Variants in NAV3 observed in about 807,000 individuals in gnomAD.
NAV3 encodes the protein pore membrane and/or filament interacting like protein 1.
NAV3 carries 87 observed loss-of-function variants against 244.7 expected under a neutral mutation model. That is an observed-to-expected ratio of 0.36 (90% confidence interval 0.30 to 0.42). NAV3 has a LOEUF of 0.42. Ranked by LOEUF, NAV3 falls within the 20% of genes least tolerant of loss-of-function variation. The pLI, the probability that NAV3 is intolerant of heterozygous loss-of-function variation, is 1.00. For missense variants in NAV3, 2,663 were observed against 2,893.3 expected (o/e 0.92, Z 1.83); for synonymous variants, 1,126 against 1,042.2 (o/e 1.08, Z -1.55).
Position 78,199,345 on chromosome 12 carries a change from T to C in NAV3, c.6529T>C (p.Cys2177Arg). The C allele has an allele frequency of 1.3e-6, 2 of 1,598,422 alleles. No homozygotes were observed. The highest frequency in any genetic ancestry group is 1.7e-6 in the Non-Finnish European group (2 of 1,175,012). Residue 2177 changes from cysteine to arginine, a missense_variant, in exon 37 of 40, where the codon TGT becomes CGT. Physicochemically the swap from Cys to Arg is radical, Grantham distance 180. Coordinates refer to ENST00000397909, the MANE Select transcript of NAV3 (RefSeq NM_001024383.2). ...ELHHNFRWVL[C>R]ANHTEPVKGF... is the part of the protein sequence containing the mutation. ...TTTTTCTTTTTGTAGGTGGGTATTA[T>C]GTGCAAATCATACAGAACCAGTGAA... is the stretch of plus-strand genomic sequence containing the variant.
chr12:77,754,770 A>G (rs568633316), intron 2 of NAV3, among the ~76,000 whole-genome samples: 64 of 152,246 alleles, frequency 4.2e-4, no homozygotes, highest in African/African-American at 1.5e-3. Context: ...CTTTGCCTGG[A>G]TGTCTTACAA....
In NAV3 at chr12:77,805,257, A is replaced by G. The variant is rs111481132; in HGVS notation, c.73-135062A>G. Among the ~76,000 whole-genome samples, 357 of 152,258 alleles carry G rather than the reference A, an allele frequency of 2.3e-3. 4 individuals carry two copies. The highest frequency in any genetic ancestry group is 8.3e-3 in the African/African-American group (345 of 41,552). On this transcript the variant is annotated intron_variant, in intron 2 of 8. Coordinates refer to the NAV3 transcript ENST00000550042. The stretch of plus-strand genomic sequence containing the variant: ...CTTTTCTTGTGCAGGTTTTCAAAGG[A>G]AATGCTTCCAGCTTTTGCCCTTTCA...
chr12:77,597,238 CCAA>C (rs1382662848), intron 2 of NAV3, among the ~76,000 whole-genome samples: 30 of 152,178 alleles, frequency 2.0e-4, no homozygotes, highest in Middle Eastern at 3.4e-3. Context: ...CGTGGCACCA[CCAA>C]CAAGATACCG....
chr12:77,805,122 A>G (rs1385640725), intron 2 of NAV3, among the ~76,000 whole-genome samples: 4 of 152,188 alleles, frequency 2.6e-5, no homozygotes, highest in Admixed American at 2.6e-4. Flanking sequence ...AACAGAGACA[A>G]TTTGACTTCC....
chr12:78,175,584 C>T (rs189581851), intron 25 of NAV3, among the ~76,000 whole-genome samples, 157 bp downstream of exon 25: 1 of 152,068 alleles, frequency 6.6e-6, no homozygotes, highest in Admixed American at 6.6e-5. Flanking sequence ...ATTGGAGTGG[C>T]ATGTACTGAA....
chr12:77,731,849 C>T (rs143300729), intron 2 of NAV3, among the ~76,000 whole-genome samples: 14 of 151,764 alleles, frequency 9.2e-5, no homozygotes, highest in South Asian at 6.3e-4. Flanking sequence ...GCTGAAGAAG[C>T]GGAGATTGCA....
chr12:77,825,276 G>A (rs191465368), intron 2 of NAV3, among the ~76,000 whole-genome samples: 1 of 147,724 alleles, frequency 6.8e-6, no homozygotes, highest in Non-Finnish European at 1.5e-5. Context: ...CTAAGCAAAG[G>A]AAAGAAGAGC....
intron 1 of NAV3, among the ~76,000 whole-genome samples, chr12:77,841,487 G>T (rs1051206489): frequency 2.0e-5 from 3 of 152,192 alleles, no homozygotes; most frequent in African/African-American, 7.2e-5. Context: ...CTAGGTCTCA[G>T]TGGCTTAACA....
At chr12:77,971,103 G>T (rs897029736) in intron 5 of NAV3, among the ~76,000 whole-genome samples, 1 of 151,956 alleles carries the variant, frequency 6.6e-6, no homozygotes, top group African/African-American at 2.4e-5. Flanking sequence ...ATACATGGCT[G>T]TTGTGAAACT....
rs1876453016 is a variant in NAV3, at chr12:77,845,413, CA to C, written c.243+13711del. 3.9e-5 allele frequency among the ~76,000 whole-genome samples: 6 copies of C among 152,194 alleles called. No individual in the cohort carries two copies. In the South Asian group the frequency reaches 1.2e-3, roughly 32 times the overall value. ...ATGACTTTATTTCAGATTTTTGCTA[CA>C]ACACTTAAAAGAACCCAAGTACTTT... On this transcript the variant is annotated intron_variant, in intron 1 of 39. Coordinates refer to ENST00000397909, the MANE Select transcript of NAV3 (RefSeq NM_001024383.2).
chr12:77,735,283 GAAAA>G (rs1388354474), intron 2 of NAV3, among the ~76,000 whole-genome samples: 2 of 152,048 alleles, frequency 1.3e-5, no homozygotes, highest in African/African-American at 4.8e-5. Context: ...GAGAGTACTA[GAAAA>G]TATTTGCCTC....
At chr12:77,997,319 T>G (rs1253387765) in intron 6 of NAV3, among the ~76,000 whole-genome samples, 1 of 151,396 alleles carries the variant, frequency 6.6e-6, no homozygotes, top group Non-Finnish European at 1.5e-5. Flanking sequence ...AATATACCTA[T>G]AGAATATATG....
chr12:77,940,135 G>A, intron 1 of NAV3, 184 bp from the exon 2 acceptor site: 1 of 561,966 alleles, frequency 1.8e-6, no homozygotes, highest in Non-Finnish European at 3.2e-6. Flanking sequence ...TTTGAAATGA[G>A]AGATAAGTTG....
intron 23 of NAV3, among the ~76,000 whole-genome samples, chr12:78,163,850 A>G (rs1957669329): frequency 6.6e-6 from 1 of 152,032 alleles, no homozygotes; most frequent in South Asian, 2.1e-4. Context: ...TCTCTTCACC[A>G]GCACTTCTTC....
At chr12:77,825,477 G>T (rs78129051) in intron 2 of NAV3, among the ~76,000 whole-genome samples, 1,723 of 152,224 alleles carry the variant, frequency 0.011, 32 homozygotes, top group African/African-American at 0.04. Context: ...TATATCTAAA[G>T]TGGCATAATG....
intron 2 of NAV3, among the ~76,000 whole-genome samples, chr12:77,804,663 T>A (rs1871882649): frequency 6.6e-6 from 1 of 152,172 alleles, no homozygotes; most frequent in Non-Finnish European, 1.5e-5. Context: ...GGCACTTTTT[T>A]GGTTTCATAT....
Position 78,148,830 on chromosome 12 carries a change from A to G in NAV3, c.4708-12A>G. On this transcript the variant is annotated splice_polypyrimidine_tract_variant and intron_variant, in intron 21 of 39. Transcript: ENST00000397909. Reference sequence around the variant, plus strand: ...ACTTGCCTATTCCATTGATTTTTTTAATTGCATTCAGCAAATCCATAAACT... The same window carrying G: ...ACTTGCCTATTCCATTGATTTTTTTGATTGCATTCAGCAAATCCATAAACT... The G allele has an allele frequency of 6.3e-7, 1 of 1,590,630 alleles. No homozygotes were observed.
intron 2 of NAV3, among the ~76,000 whole-genome samples, chr12:77,668,279 A>T (rs919402936): frequency 5.3e-5 from 8 of 152,206 alleles, no homozygotes; most frequent in African/African-American, 1.7e-4. Context: ...CCAAACCAAG[A>T]TGAAATCTCT....
intron 1 of NAV3, among the ~76,000 whole-genome samples, chr12:77,898,233 A>G (rs1016835128): frequency 7.2e-5 from 11 of 152,174 alleles, no homozygotes; most frequent in Non-Finnish European, 8.8e-5. Context: ...ATACATTTGC[A>G]TTTCATTTCG....
Sources: allele counts gnomAD v4.1 joint callset (sites outside exome capture counted in the v4.1 genomes callset), GRCh38; gene constraint gnomAD v4.1.1; transcripts MANE v1.5; gene names NCBI Gene and HGNC (gene_info 2026-07-23, HGNC 2026-07-21).